CASKIN2: variants seen among roughly 807,000 people sequenced by gnomAD.
CASKIN2 encodes caskin-2.
A neutral mutation model predicts 107.1 loss-of-function variants in CASKIN2; 41 were observed. The observed-to-expected ratio is 0.38, with a 90% CI of 0.30 to 0.50. The LOEUF (loss-of-function observed/expected upper bound fraction) is 0.50, where lower values mean the gene tolerates loss of function less well. CASKIN2 is among the 20% of genes least tolerant of loss of function. CASKIN2 has a pLI of 0.92. For synonymous variants in CASKIN2, 724 were observed against 705.6 expected (o/e 1.03, Z -0.41); for missense variants, 1,546 against 1,657.4 (o/e 0.93, Z 1.17).
chr17:75,503,797 G>A (rs373109778), intron 15 of CASKIN2, 37 bp from the exon 16 acceptor site: 73 of 1,610,196 alleles, frequency 4.5e-5, no homozygotes, highest in South Asian at 2.4e-4. Flanking sequence ...CCCCTCCCCC[G>A]CCTGCTGGGC....
intron 2 of CASKIN2, 114 bp from the exon 3 acceptor site, chr17:75,508,399 C>T (rs2053288141): frequency 8.6e-7 from 1 of 1,160,040 alleles, no homozygotes; most frequent in South Asian, 1.3e-5. Flanking sequence ...AAGCACCTGC[C>T]CCATGGCCTT....
At chr17:75,504,366 G>T in intron 13 of CASKIN2, 54 bp downstream of exon 13, 1 of 1,596,200 alleles carries the variant, frequency 6.3e-7, no homozygotes, top group Non-Finnish European at 8.6e-7. Flanking sequence ...GCCCACCCTC[G>T]GCCTCCTTAC....
intron 4 of CASKIN2, 107 bp downstream of exon 4, chr17:75,507,477 C>A: frequency 1.2e-6 from 1 of 802,838 alleles, no homozygotes; most frequent in Admixed American, 2.2e-5. Flanking sequence ...GCTGTGCTAG[C>A]ATCTATTAGC....
At chr17:75,507,494 A>T in intron 4 of CASKIN2, 90 bp downstream of exon 4, 1 of 936,086 alleles carries the variant, frequency 1.1e-6, no homozygotes, top group Non-Finnish European at 1.7e-6. Flanking sequence ...TAGCATTGCT[A>T]CGTTGTCATA....
At position 75,505,359 on chromosome 17, in the gene CASKIN2, A is replaced by G; in HGVS notation, c.930+198T>C. On this transcript the variant is annotated intron_variant, in intron 10 of 19. Transcript: ENST00000321617. The surrounding 1 kb of genome is among the most constrained non-coding windows in gnomAD (Gnocchi z 5.1). ...GGGCAAGTCACTTGAATTTCTCTTGATTTTATTTTGTTTAATTCTCAATTT... is the reference window on the plus strand; with the variant it reads ...GGGCAAGTCACTTGAATTTCTCTTGGTTTTATTTTGTTTAATTCTCAATTT... The G allele has an allele frequency of 1.6e-6, 1 of 640,606 alleles. No homozygotes were observed. Among genetic ancestry groups the G allele is most frequent in the Non-Finnish European group, 2.7e-6 (1 of 368,634 alleles). 39.7% of individuals were successfully genotyped at this position (640,606 alleles called of 1,614,324 possible).
rs761803607 is a variant in CASKIN2, at chr17:75,505,500, A to C, written c.930+57T>G. 7.7e-5 allele frequency: 119 copies of C among 1,550,312 alleles called. No individual in the cohort carries two copies. Among genetic ancestry groups the C allele is most frequent in the Non-Finnish European group, 1.0e-4 (113 of 1,123,104 alleles). On this transcript the variant is annotated intron_variant, in intron 10 of 19. Transcript: ENST00000321617. This position sits in a 1 kb window ranked among gnomAD's most constrained non-coding sequence, Gnocchi z 5.1. The stretch of plus-strand genomic sequence containing the variant: ...AACGTGGTAACATAGCAGGTGCCCA[A>C]ATAAGTAACAGCAATCATTTGTATT...
rs988931774 is a variant in CASKIN2, at chr17:75,502,360, C to T, written c.2714G>A (p.Arg905Gln). The T allele has an allele frequency of 1.9e-5, 28 of 1,480,706 alleles. No individual in the cohort carries two copies. Among genetic ancestry groups the T allele is most frequent in the East Asian group, 9.5e-5 (4 of 42,282 alleles). 91.7% of individuals were successfully genotyped at this position (1,480,706 alleles called of 1,614,324 possible). The change falls in exon 18 of 20, where the codon CGA becomes CAA. Residue 905 changes from arginine (R) to glutamine (Q), a missense_variant. Coordinates refer to ENST00000321617, the MANE Select transcript of CASKIN2 (RefSeq NM_020753.5). The surrounding 1 kb of genome is among the most constrained non-coding windows in gnomAD (Gnocchi z 4.3). ...PKEGATGPRRRTLSEPAGPSE... is the reference protein window; with the variant it reads ...PKEGATGPRRQTLSEPAGPSE... ...GGGGCCAGCAGGTTCACTCAGTGTT[C>T]GCCTTCGGGGCCCTGTGGCCCCTTC...
chr17:75,503,984 C>A (rs1208037436), intron 14 of CASKIN2, 22 bp from the exon 15 acceptor site: 1 of 1,590,274 alleles, frequency 6.3e-7, no homozygotes, highest in South Asian at 1.1e-5. Context: ...GGGAAGGGGG[C>A]AGAATTAGCA....
In CASKIN2 at chr17:75,503,200, C is replaced by T; in HGVS notation, c.1874G>A (p.Gly625Asp). ...GVKRLAELRR[G>D]LLQGEALSEG... ...GCTGAGGGCCTCCCCCTGCAGCAGG[C>T]CCCGCCGAAGCTCCGCCAGCCGCTT... The change falls in exon 18 of 20, where the codon GGC (glycine) becomes GAC (aspartate). Residue 625 changes from glycine (G) to aspartate (D), a missense_variant. Physicochemically the swap from Gly to Asp is moderately conservative, Grantham distance 94. Coordinates refer to ENST00000321617, the MANE Select transcript of CASKIN2 (RefSeq NM_020753.5). 1 of 1,597,352 alleles carries T rather than the reference C, an allele frequency of 6.3e-7. No homozygotes were observed. Among genetic ancestry groups the T allele is most frequent in the Non-Finnish European group, 8.5e-7 (1 of 1,174,672 alleles).
Position 75,501,911 on chromosome 17 carries a change from G to C in CASKIN2, c.3163C>G (p.Pro1055Ala), listed in dbSNP as rs1462626700. The change falls in exon 18 of 20, where the codon CCC (proline) becomes GCC (alanine). Residue 1055 changes from proline to alanine, a missense_variant. Physicochemically the swap from Pro to Ala is conservative, Grantham distance 27 (BLOSUM62 -1). This residue lies in a region of CASKIN2 where 1,311 missense variants were observed against 1,311.0 expected (regional missense o/e 1.00). Transcript: ENST00000321617. Reference sequence around the variant, plus strand: ...ACTGGAGGCTGCATGGCGGGGCTGGGAGCAAGGGGGGTTGGAACTCCTTGG... The same window carrying C: ...ACTGGAGGCTGCATGGCGGGGCTGGCAGCAAGGGGGGTTGGAACTCCTTGG... ...PAQGVPTPLA[P>A]SPAMQPPVPP... 6 of 1,579,746 alleles carry C rather than the reference G, an allele frequency of 3.8e-6. No homozygotes were observed. Among genetic ancestry groups the C allele is most frequent in the Non-Finnish European group, 5.2e-6 (6 of 1,161,750 alleles).
At position 75,504,644 on chromosome 17, in the gene CASKIN2, G is replaced by T. The variant is rs757419897; in HGVS notation, c.1242C>A (p.Arg414=). 4 of 1,607,346 alleles carry T rather than the reference G, an allele frequency of 2.5e-6. No individual in the cohort carries two copies. The African/African-American group carries it at 5.3e-5, about 21-fold the overall frequency. Reference sequence around the variant, plus strand: ...CAGAGCTCTGCCCGCTGCCGGCACTGCGGATGCTGCCCACGCTGCCCTCAC... The same window carrying T: ...CAGAGCTCTGCCCGCTGCCGGCACTTCGGATGCTGCCCACGCTGCCCTCAC... ...VGSEGSVGSI[R]SAGSGQSSEG... is the part of the protein sequence containing the mutation. The change falls in exon 12 of 20, where the codon CGC becomes CGA. Residue 414 remains arginine, a synonymous_variant. Transcript: ENST00000321617.
At position 75,506,388 on chromosome 17, in the gene CASKIN2, T is replaced by C. The variant is rs2053265847; in HGVS notation, c.643A>G (p.Ile215Val). Residue 215 changes from isoleucine to valine, a missense_variant, in exon 8 of 20, where the codon ATC becomes GTC. This residue lies in a region of CASKIN2 where 62 missense variants were observed against 81.1 expected (regional missense o/e 0.76). Transcript: ENST00000321617. The surrounding 1 kb of genome is among the most constrained non-coding windows in gnomAD (Gnocchi z 4.8). ...IRQLLRAGIE[I>V]NRQTKTGTAL... is the part of the protein sequence containing the mutation. The stretch of plus-strand genomic sequence containing the variant: ...GTACCCGTCTTGGTCTGGCGGTTGA[T>C]CTCGATCCCAGCTCTCAGGAGCTGC... The C allele has an allele frequency of 1.2e-6, 2 of 1,610,286 alleles. No individual in the cohort carries two copies. Among genetic ancestry groups the C allele is most frequent in the Admixed American group, 1.7e-5 (1 of 59,910 alleles).
rs753070734 is a variant in CASKIN2, at chr17:75,506,963, CCT to C, written c.390+19_390+20del. On this transcript the variant is annotated intron_variant, in intron 5 of 19. Coordinates refer to ENST00000321617, the MANE Select transcript of CASKIN2 (RefSeq NM_020753.5). The surrounding 1 kb of genome is among the most constrained non-coding windows in gnomAD (Gnocchi z 4.8). ...ACCCCACCCTGCCCTGCGCCACGCC[CCT>C]GTGGGCAGCCTCACGTACCACCTCA... The C allele has an allele frequency of 2.5e-6, 4 of 1,612,998 alleles. No individual in the cohort carries two copies. Among genetic ancestry groups the C allele is most frequent in the Non-Finnish European group, 3.4e-6 (4 of 1,179,688 alleles).
chr17:75,504,099 G>A (rs986152726), intron 14 of CASKIN2, 116 bp downstream of exon 14: 13 of 1,062,688 alleles, frequency 1.2e-5, no homozygotes, highest in East Asian at 5.2e-5. Context: ...TACCCACCCC[G>A]AGGCCCACAG....
Position 75,503,162 on chromosome 17 carries a change from G to A in CASKIN2, c.1912C>T (p.Arg638Trp), listed in dbSNP as rs780367601. 42 of 1,603,006 alleles carry A rather than the reference G, an allele frequency of 2.6e-5. No individual in the cohort carries two copies. Among genetic ancestry groups the A allele is most frequent in the Middle Eastern group, 1.8e-4 (1 of 5,682 alleles). ...ATCAGCTCCGGACCCTTGGCCAGCC[G>A]GCGCCCGCCTTCGCTGAGGGCCTCC... ...QGEALSEGGRRLAKGPELMAI... is the reference protein window; with the variant it reads ...QGEALSEGGRWLAKGPELMAI... Residue 638 changes from arginine to tryptophan, a missense_variant, in exon 18 of 20, where the codon CGG becomes TGG. Transcript: ENST00000321617.
At chr17:75,513,660 G>T in intron 2 of CASKIN2, 51 bp downstream of exon 2, 4 of 1,369,904 alleles carry the variant, frequency 2.9e-6, no homozygotes, top group Non-Finnish European at 4.2e-6. Flanking sequence ...CCAAGCCTCT[G>T]TGAACTGAGC....
rs1252691088 is a variant in CASKIN2, at chr17:75,506,001, G to A, written c.727-72C>T. ...CCTCACCCGATTCTCTCAGCTACCC[G>A]GGACATAGGTACTATTACCATTTTC... is the stretch of plus-strand genomic sequence containing the variant. On this transcript the variant is annotated intron_variant, in intron 8 of 19. Coordinates refer to ENST00000321617, the MANE Select transcript of CASKIN2 (RefSeq NM_020753.5). The surrounding 1 kb of genome is among the most constrained non-coding windows in gnomAD (Gnocchi z 4.8). 2.3e-5 allele frequency: 31 copies of A among 1,320,236 alleles called. No homozygotes were observed. Among genetic ancestry groups the A allele is most frequent in the African/African-American group, 7.2e-5 (5 of 68,970 alleles). The allele number at this position is 1,320,236 out of a possible 1,614,324, so 81.8% of individuals were successfully genotyped here.
rs186700465 is a variant in CASKIN2, at chr17:75,506,156, C to T, written c.726+149G>A. 1.0e-3 allele frequency: 763 copies of T among 747,972 alleles called. 3 individuals are homozygous for T. The Middle Eastern group carries it at 0.02, about 20-fold the overall frequency. 46.3% of individuals were successfully genotyped at this position (747,972 alleles called of 1,614,324 possible). On this transcript the variant is annotated intron_variant, in intron 8 of 19. Transcript: ENST00000321617. The surrounding 1 kb of genome is among the most constrained non-coding windows in gnomAD (Gnocchi z 4.8). ...TGCCCCCGATCCATCTGCACCGCCT[C>T]GGCACCATTCAGAAGGAAGTCAGGC... is the stretch of plus-strand genomic sequence containing the variant.
rs759410168 is a variant in CASKIN2, at chr17:75,503,052, T to G, written c.2022A>C (p.Pro674=). The G allele has an allele frequency of 1.2e-6, 2 of 1,607,294 alleles. No individual in the cohort carries two copies. The highest frequency in any genetic ancestry group is 1.7e-6 in the Non-Finnish European group (2 of 1,178,794). The change falls in exon 18 of 20, where the codon CCA becomes CCC. Residue 674 remains proline, a synonymous_variant. Transcript: ENST00000321617. The part of the protein sequence containing the change: ...LLTFQGSELS[P]ELQAAMAGGG... ...CCCCTGCCATGGCCGCCTGTAGCTC[T>G]GGGCTTAGTTCGCTGCCCTGGAAGG...
Sources: allele counts gnomAD v4.1 joint callset, GRCh38; gene constraint gnomAD v4.1.1; regional missense constraint gnomAD v4.1.1; non-coding constraint Gnocchi (gnomAD v3.1); transcripts MANE v1.5; gene names NCBI Gene and HGNC (gene_info 2026-07-23, HGNC 2026-07-21).